Variants in NPAT observed in about 807,000 individuals in gnomAD.
The protein encoded by NPAT is nuclear protein, coactivator of histone transcription, also known as protein NPAT.
NPAT carries 52 observed loss-of-function variants against 130.7 expected under a neutral mutation model. That is an observed-to-expected ratio of 0.40 (90% CI 0.32 to 0.50). The LOEUF (loss-of-function observed/expected upper bound fraction) is 0.50, where lower values mean the gene tolerates loss of function less well. NPAT is among the 20% of genes least tolerant of loss of function. NPAT has a pLI of 0.68. For synonymous variants in NPAT, 580 were observed against 584.8 expected (o/e 0.99, Z 0.12); for missense variants, 1,687 against 1,662.6 (o/e 1.01, Z -0.26).
intron 1 of NPAT, among the ~76,000 whole-genome samples, chr11:108,199,950 A>G (rs1361020733): frequency 6.6e-6 from 1 of 152,164 alleles, no homozygotes; most frequent in Non-Finnish European, 1.5e-5. Context: ...TGTTGCTGCA[A>G]ACCACAGTGA....
rs761550717 is a variant in NPAT, at chr11:108,189,276, T to G, written c.386A>C (p.Gln129Pro). The G allele has an allele frequency of 9.3e-6, 15 of 1,614,082 alleles. No individual in the cohort carries two copies. The highest frequency in any genetic ancestry group is 2.2e-5 in the South Asian group (2 of 91,084). Reference sequence around the variant, plus strand: ...CAACTCTGCACTGGCTGGAGCTGTTTGAGATGCAAGCTTTCTCTGCCGTTT... The same window carrying G: ...CAACTCTGCACTGGCTGGAGCTGTTGGAGATGCAAGCTTTCTCTGCCGTTT... Reference protein sequence around the residue: ...EIKRQRKLASQTAPASAELLT... With the variant: ...EIKRQRKLASPTAPASAELLT... The change falls in exon 6 of 18, where the codon CAA (glutamine) becomes CCA (proline). Residue 129 changes from glutamine to proline, a missense_variant. Coordinates refer to ENST00000278612, the MANE Select transcript of NPAT (RefSeq NM_002519.3).
intron 1 of NPAT, among the ~76,000 whole-genome samples, chr11:108,211,964 A>T (rs1347301034): frequency 1.3e-5 from 2 of 152,132 alleles, no homozygotes; most frequent in East Asian, 3.9e-4. Flanking sequence ...GCAAAACAAA[A>T]CAAAACAAAA....
intron 15 of NPAT, 97 bp downstream of exon 15, chr11:108,169,647 A>T: frequency 1.1e-6 from 1 of 892,476 alleles, no homozygotes; most frequent in Non-Finnish European, 1.9e-6. Context: ...CTTGTTTTAA[A>T]ATGGTTTAGG....
rs1242945411 is a variant in NPAT at position 108,176,985 on chromosome 11, T to G, written c.1003+9A>C. On this transcript the variant is annotated intron_variant, in intron 11 of 17. Transcript: ENST00000278612. ...TTTTTTTCTGTCTTGAAATAAATAG[T>G]CTCCTTACCATAGTCAAAGAGATCA... is the stretch of plus-strand genomic sequence containing the variant. 1 of 1,567,800 alleles carries G rather than the reference T, an allele frequency of 6.4e-7. No individual in the cohort carries two copies. The highest frequency in any genetic ancestry group is 8.8e-7 in the Non-Finnish European group (1 of 1,138,160).
At chr11:108,207,254 C>T (rs2078337755) in intron 1 of NPAT, among the ~76,000 whole-genome samples, 1 of 152,166 alleles carries the variant, frequency 6.6e-6, no homozygotes, top group Non-Finnish European at 1.5e-5. Flanking sequence ...GCTGATGGGT[C>T]CATGGACAGC....
rs756697139 is a variant in NPAT, at chr11:108,193,976, A to G, written c.198T>C (p.Tyr66=). 6.3e-7 allele frequency: 1 copy of G among 1,577,090 alleles called. No individual in the cohort carries two copies. The highest frequency in any genetic ancestry group is 8.7e-7 in the Non-Finnish European group (1 of 1,146,888). The part of the protein sequence containing the change: ...GKNLTTILNE[Y]VAMKTKETSN... Reference sequence around the variant, plus strand: ...TCTTACCTTTTGTTTTCATAGCTACATACTCATTTAAAATTGTTGTCAAGT... The same window carrying G: ...TCTTACCTTTTGTTTTCATAGCTACGTACTCATTTAAAATTGTTGTCAAGT... Residue 66 remains tyrosine (Y), a synonymous_variant, in exon 3 of 18, where the codon TAT becomes TAC. Transcript: ENST00000278612.
rs554633666 is a variant in NPAT at position 108,200,549 on chromosome 11, A to G, written c.38-3129T>C. ...AACTGAAAGGAAAATTGGTGCAGCCACAACTGCCATACTGGTCTAGGTCCA... is the reference window on the plus strand; with the variant it reads ...AACTGAAAGGAAAATTGGTGCAGCCGCAACTGCCATACTGGTCTAGGTCCA... On this transcript the variant is annotated intron_variant, in intron 1 of 17. Coordinates refer to ENST00000278612, the MANE Select transcript of NPAT (RefSeq NM_002519.3). Among the ~76,000 whole-genome samples, 3 of 152,298 alleles carry G rather than the reference A, an allele frequency of 2.0e-5. No homozygotes were observed. The East Asian group carries it at 5.8e-4, about 29-fold the overall frequency.
chr11:108,197,087 A>T (rs1186433162), intron 2 of NPAT, among the ~76,000 whole-genome samples: 1 of 152,280 alleles, frequency 6.6e-6, no homozygotes, highest in Middle Eastern at 3.4e-3. Flanking sequence ...TTTGAAACTA[A>T]CTCTCGGAGT....
chr11:108,196,077 T>C (rs2078216997), intron 2 of NPAT, among the ~76,000 whole-genome samples: 1 of 152,258 alleles, frequency 6.6e-6, no homozygotes, highest in Non-Finnish European at 1.5e-5. Context: ...TTTTTTCTTA[T>C]GTTTTCATTT....
Position 108,188,089 on chromosome 11 carries a change from AG to A in NPAT, c.638+8del. ...TACGGGTAACTTGTCTCTTTTAAAA[AG>A]CATTTACCTTTTGCGTCTACCGGGA... On this transcript the variant is annotated splice_region_variant and intron_variant, in intron 7 of 17. Coordinates refer to ENST00000278612, the MANE Select transcript of NPAT (RefSeq NM_002519.3). The A allele has an allele frequency of 6.2e-7, 1 of 1,604,742 alleles. No homozygotes were observed. The highest frequency in any genetic ancestry group is 8.5e-7 in the Non-Finnish European group (1 of 1,172,064).
chr11:108,167,771 C>G (rs767401301), intron 15 of NPAT, among the ~76,000 whole-genome samples: 1 of 152,094 alleles, frequency 6.6e-6, no homozygotes, highest in African/African-American at 2.4e-5. Context: ...CTTAACCTCA[C>G]CAATGTTTTT....
chr11:108,210,574 C>T (rs551580623), intron 1 of NPAT, among the ~76,000 whole-genome samples: 3 of 152,172 alleles, frequency 2.0e-5, no homozygotes, highest in Non-Finnish European at 4.4e-5. Flanking sequence ...CCAATTAAAA[C>T]CTCTTTTCTT....
chr11:108,186,374 C>T, intron 8 of NPAT, 108 bp downstream of exon 8: 1 of 810,918 alleles, frequency 1.2e-6, no homozygotes, highest in East Asian at 2.6e-5. Context: ...TATAAACTTA[C>T]TCCTGTTTCT....
At chr11:108,167,680 C>G (rs2077913875) in intron 15 of NPAT, among the ~76,000 whole-genome samples, 1 of 152,174 alleles carries the variant, frequency 6.6e-6, no homozygotes, top group African/African-American at 2.4e-5. Context: ...GAATGAGTAT[C>G]TTTGTGTTAT....
At chr11:108,201,832 G>C (rs903923699) in intron 1 of NPAT, among the ~76,000 whole-genome samples, 1 of 152,208 alleles carries the variant, frequency 6.6e-6, no homozygotes, top group Non-Finnish European at 1.5e-5. Flanking sequence ...TTTCCTCCCA[G>C]AGAAAGCTGG....
chr11:108,199,079 G>A (rs915622628), intron 1 of NPAT, among the ~76,000 whole-genome samples: 1 of 152,190 alleles, frequency 6.6e-6, no homozygotes, highest in African/African-American at 2.4e-5. Flanking sequence ...TAACACAAAC[G>A]AGCTGAAACA....
Position 108,176,255 on chromosome 11 carries a change from C to G in NPAT, c.1123G>C (p.Glu375Gln). Residue 375 changes from glutamate (E) to glutamine (Q), a missense_variant, in exon 12 of 18, where the codon GAA becomes CAA. By Grantham distance (29) the Glu-to-Gln change is conservative. Coordinates refer to ENST00000278612, the MANE Select transcript of NPAT (RefSeq NM_002519.3). The part of the protein sequence containing the change: ...NLAVKGSFET[E>Q]ESDGQSGQPA... ...AAAATTAAATTCTTACCAGATTCTTCTGTTTCAAAAGAACCTTTAACTGCT... is the reference window on the plus strand; with the variant it reads ...AAAATTAAATTCTTACCAGATTCTTGTGTTTCAAAAGAACCTTTAACTGCT... 6.3e-7 allele frequency: 1 copy of G among 1,578,486 alleles called. No homozygotes were observed. Among genetic ancestry groups the G allele is most frequent in the South Asian group, 1.1e-5 (1 of 90,268 alleles).
intron 1 of NPAT, among the ~76,000 whole-genome samples, chr11:108,201,696 A>G (rs1425343843): frequency 6.6e-6 from 1 of 152,186 alleles, no homozygotes; most frequent in Admixed American, 6.5e-5. Context: ...TACTCCACAT[A>G]ATGTGGCAGG....
At chr11:108,221,864 G>A (rs1321567388) in intron 1 of NPAT, among the ~76,000 whole-genome samples, 4 of 152,204 alleles carry the variant, frequency 2.6e-5, no homozygotes, top group Non-Finnish European at 4.4e-5. Flanking sequence ...ACTAGGGCTA[G>A]AAAACGTTCA....
Sources: allele counts gnomAD v4.1 joint callset (sites outside exome capture counted in the v4.1 genomes callset), GRCh38; gene constraint gnomAD v4.1.1; transcripts MANE v1.5; gene names NCBI Gene and HGNC (gene_info 2026-07-23, HGNC 2026-07-21).